TIAL1: variants seen among roughly 807,000 people sequenced by gnomAD.
TIAL1 encodes the protein TIA1 cytotoxic granule associated RNA binding protein like 1.
In TIAL1, 7 loss-of-function variants were observed where a neutral mutation model predicts 59.7. The observed-to-expected ratio is 0.12, with a 90% CI of 0.07 to 0.22. The LOEUF (loss-of-function observed/expected upper bound fraction) is 0.22. Among genes scored for constraint, TIAL1 ranks in the 10% least tolerant of loss-of-function variants. TIAL1 has a pLI of 1.00. For missense variants in TIAL1, 225 were observed against 462.5 expected (o/e 0.49, Z 4.71); for synonymous variants, 149 against 146.3 (o/e 1.02, Z -0.13).
In TIAL1 at chr10:119,575,601, T is replaced by C. The variant is rs1844946216; in HGVS notation, c.*64A>G. The C allele has an allele frequency of 6.3e-7, 1 of 1,580,150 alleles. No homozygotes were observed. The highest frequency in any genetic ancestry group is 1.1e-5 in the South Asian group (1 of 89,380). ...TCATTTTCCGATGTCTACTTTCATG[T>C]CTTCAGAGTGTCACAGGAAATCGAA... On this transcript the variant is annotated 3_prime_UTR_variant, in exon 12 of 12. Coordinates refer to ENST00000436547, the MANE Select transcript of TIAL1 (RefSeq NM_003252.4).
In TIAL1 at chr10:119,576,770, T is replaced by C. The variant is rs757901391; in HGVS notation, c.862-20A>G. 6 of 1,610,324 alleles carry C rather than the reference T, an allele frequency of 3.7e-6. No homozygotes were observed. Among genetic ancestry groups the C allele is most frequent in the Non-Finnish European group, 5.1e-6 (6 of 1,179,094 alleles). ...GTCAACCTAGGAAAAAGCAAAGTAT[T>C]GTTTTAGGGAACACATAAGAAACAC... is the stretch of plus-strand genomic sequence containing the variant. On this transcript the variant is annotated intron_variant, in intron 10 of 11. Coordinates refer to ENST00000436547, the MANE Select transcript of TIAL1 (RefSeq NM_003252.4).
intron 1 of TIAL1, among the ~76,000 whole-genome samples, chr10:119,591,351 G>A (rs1374159237): frequency 1.3e-5 from 2 of 151,990 alleles, no homozygotes; most frequent in Non-Finnish European, 2.9e-5. Flanking sequence ...AGGTTGCAGT[G>A]GGCTGAGATC....
intron 2 of TIAL1, among the ~76,000 whole-genome samples, chr10:119,585,945 G>A (rs1845553270): frequency 6.6e-6 from 1 of 152,020 alleles, no homozygotes; most frequent in African/African-American, 2.4e-5. Context: ...CTCACTGTAG[G>A]ATCTTTCTTC....
rs181315182 is a variant in TIAL1, at chr10:119,595,290, G to C, written c.32+1144C>G. Among the ~76,000 whole-genome samples the C allele has an allele frequency of 1.6e-3, 240 of 152,142 alleles. 2 individuals carry two copies. Among genetic ancestry groups the C allele is most frequent in the Middle Eastern group, 0.01 (3 of 294 alleles). ...TCCCCATCAGAGAGCAGAGCCAAGT[G>C]GACTATGATCCTATCAATACCAGGA... On this transcript the variant is annotated intron_variant, in intron 1 of 11. Coordinates refer to ENST00000436547, the MANE Select transcript of TIAL1 (RefSeq NM_003252.4).
chr10:119,593,553 T>C (rs1414343445), intron 1 of TIAL1: 10 of 929,158 alleles, frequency 1.1e-5, no homozygotes, highest in Non-Finnish European at 1.3e-5. Context: ...ACAGGCATCT[T>C]AAGGAAACAA....
rs139206959 is a variant in TIAL1 at position 119,592,883 on chromosome 10, T to C, written c.32+3551A>G. On this transcript the variant is annotated intron_variant, in intron 1 of 11. Coordinates refer to ENST00000436547, the MANE Select transcript of TIAL1 (RefSeq NM_003252.4). ...TATAGCCACAGTATAGCCAAATCCA[T>C]GGTATAGCCAGTCAATTTTGTAATA... is the stretch of plus-strand genomic sequence containing the variant. Among the ~76,000 whole-genome samples the C allele has an allele frequency of 7.0e-3, 1,059 of 152,310 alleles. 14 individuals are homozygous for C. The highest frequency in any genetic ancestry group is 0.024 in the African/African-American group (1,015 of 41,570).
In TIAL1 at chr10:119,584,499, A is replaced by G. The variant is rs184226511; in HGVS notation, c.130-1942T>C. On this transcript the variant is annotated intron_variant, in intron 2 of 11. Coordinates refer to ENST00000436547, the MANE Select transcript of TIAL1 (RefSeq NM_003252.4). ...TCTGCTAGAGTTTATACCCTCTGGA[A>G]GCTTCTTATTTACACCACCAAGTGA... 9.9e-5 allele frequency among the ~76,000 whole-genome samples: 15 copies of G among 152,282 alleles called. No individual in the cohort carries two copies. The East Asian group carries it at 2.9e-3, about 29-fold the overall frequency.
At chr10:119,594,124 G>A (rs1292993124) in intron 1 of TIAL1, among the ~76,000 whole-genome samples, 1 of 149,050 alleles carries the variant, frequency 6.7e-6, no homozygotes, top group Admixed American at 6.7e-5. Flanking sequence ...AAGGAAGACA[G>A]AATAGTAAAC....
chr10:119,573,904 C>G lies in TIAL1; in HGVS notation c.*1761G>C, dbSNP rs1052156456. On this transcript the variant is annotated 3_prime_UTR_variant, in exon 12 of 12. Transcript: ENST00000436547. ...ATGTTGAATACATTTGGCTATATTG[C>G]TAAGTGGGAAAAGGAGGAAAGTAAT... The G allele has an allele frequency of 4.6e-5, 7 of 152,102 alleles. No homozygotes were observed. The highest frequency in any genetic ancestry group is 1.0e-4 in the Non-Finnish European group (7 of 68,022). The allele number at this position is 152,102 out of a possible 1,614,324, so 9.4% of individuals were successfully genotyped here. A position where few individuals can be genotyped will look rare whatever the true frequency, so the allele number is the denominator to read the frequency against.
intron 1 of TIAL1, among the ~76,000 whole-genome samples, chr10:119,591,071 A>G (rs1006493944): frequency 6.6e-6 from 1 of 152,136 alleles, no homozygotes; most frequent in African/African-American, 2.4e-5. Flanking sequence ...GTTACCTTCT[A>G]TATCTAATAG....
rs60594014 is a variant in TIAL1 at position 119,590,762 on chromosome 10, GAGAAAGAAAGAAAGAAAGAAAGAAAGAA to G, written c.33-2542_33-2515del. Among the ~76,000 whole-genome samples the G allele has an allele frequency of 1.8e-3, 221 of 125,400 alleles. 1 individual carries two copies. In the South Asian group the frequency reaches 0.02, roughly 11 times the overall value. 82.3% of individuals were successfully genotyped at this position (125,400 alleles called of 152,430 possible). A position where few individuals can be genotyped will look rare whatever the true frequency, so the allele number is the denominator to read the frequency against. On this transcript the variant is annotated intron_variant, in intron 1 of 11. Transcript: ENST00000436547. ...AAAGAGAGAGAGACAGAGAGAAAGA[GAGAAAGAAAGAAAGAAAGAAAGAAAGAA>G]AGAAAGAAAGAAAGAAAGAAAGAAA...
At chr10:119,589,865 A>G (rs544668482) in intron 1 of TIAL1, among the ~76,000 whole-genome samples, 1 of 152,334 alleles carries the variant, frequency 6.6e-6, no homozygotes, top group South Asian at 2.1e-4. Flanking sequence ...AAACCAAACA[A>G]TATCTGTAAA....
At chr10:119,575,926 T>G in intron 11 of TIAL1, 135 bp from the exon 12 acceptor site, 1 of 835,854 alleles carries the variant, frequency 1.2e-6, no homozygotes, top group Non-Finnish European at 1.7e-6. Flanking sequence ...AATAGAAAGA[T>G]CAAAGAAATA....
intron 9 of TIAL1, 51 bp downstream of exon 9, chr10:119,577,400 A>T (rs769786505): frequency 6.5e-7 from 1 of 1,541,226 alleles, no homozygotes; most frequent in South Asian, 1.2e-5. Flanking sequence ...CATAAGTGAA[A>T]GGAATGAATC....
At chr10:119,592,103 A>C (rs957334663) in intron 1 of TIAL1, 1 of 152,254 alleles carries the variant, frequency 6.6e-6, no homozygotes, top group Non-Finnish European at 1.5e-5. Context: ...AAGTCTTTAA[A>C]TATATAATTG....
At position 119,588,252 on chromosome 10, in the gene TIAL1, C is replaced by T; in HGVS notation, c.33-4G>A. 1.9e-6 allele frequency: 3 copies of T among 1,550,418 alleles called. No homozygotes were observed. Among genetic ancestry groups the T allele is most frequent in the Non-Finnish European group, 2.6e-6 (3 of 1,145,214 alleles). On this transcript the variant is annotated splice_region_variant and splice_polypyrimidine_tract_variant and intron_variant, in intron 1 of 11. Coordinates refer to ENST00000436547, the MANE Select transcript of TIAL1 (RefSeq NM_003252.4). ...TCTGGAAAGGTTACCTACGTATCTGCACAAGAAAAAAATACGTTATCAGCA... is the reference window on the plus strand; with the variant it reads ...TCTGGAAAGGTTACCTACGTATCTGTACAAGAAAAAAATACGTTATCAGCA...
Position 119,575,250 on chromosome 10 carries a change from T to C in TIAL1, c.*415A>G, listed in dbSNP as rs1844926372. 6.1e-6 allele frequency: 1 copy of C among 163,218 alleles called. No individual in the cohort carries two copies. The highest frequency in any genetic ancestry group is 2.4e-5 in the African/African-American group (1 of 41,516). 10.1% of individuals were successfully genotyped at this position (163,218 alleles called of 1,614,324 possible). A position where few individuals can be genotyped will look rare whatever the true frequency, so the allele number is the denominator to read the frequency against. On this transcript the variant is annotated 3_prime_UTR_variant, in exon 12 of 12. Coordinates refer to ENST00000436547, the MANE Select transcript of TIAL1 (RefSeq NM_003252.4). ...GGGAGGGGAGTATCAGGATTCAGGA[T>C]GAACTTATATGTGATTCCCAGGTTT...
rs1286037545 is a variant in TIAL1, at chr10:119,577,295, G to C, written c.738-92C>G. On this transcript the variant is annotated intron_variant, in intron 9 of 11. Transcript: ENST00000436547. ...GAAACTCATCAGTTTACACCTGCAA[G>C]TTGGTATTTTTTTTCTAAAGTACAT... The C allele has an allele frequency of 2.7e-6, 4 of 1,486,696 alleles. No homozygotes were observed. In the East Asian group the frequency reaches 7.0e-5, roughly 26 times the overall value. 92.1% of individuals were successfully genotyped at this position (1,486,696 alleles called of 1,614,324 possible). A position where few individuals can be genotyped will look rare whatever the true frequency, so the allele number is the denominator to read the frequency against.
chr10:119,585,374 C>G (rs1178915877), intron 2 of TIAL1, among the ~76,000 whole-genome samples: 1 of 151,432 alleles, frequency 6.6e-6, no homozygotes, highest in Non-Finnish European at 1.5e-5. Context: ...CACTTGAACC[C>G]AGGAGGTGGA....
Sources: gnomAD v4.1 joint callset for allele counts (sites outside exome capture counted in the v4.1 genomes callset) on GRCh38, gnomAD v4.1.1 for gene constraint, MANE v1.5 for transcripts, NCBI Gene and HGNC (gene_info 2026-07-23, HGNC 2026-07-21) for gene names.